Variants in ABCD3 observed in about 807,000 individuals in gnomAD.
ABCD3 encodes ATP-binding cassette sub-family D member 3.
In ABCD3, 41 loss-of-function variants were observed where a neutral mutation model predicts 105.5. The observed-to-expected ratio is 0.39, with a 90% CI of 0.30 to 0.50. The LOEUF (loss-of-function observed/expected upper bound fraction) is 0.50. Ranked by LOEUF, ABCD3 falls within the 20% of genes least tolerant of loss-of-function variation. The pLI, the probability that ABCD3 is intolerant of heterozygous loss-of-function variation, is 0.84. For synonymous variants in ABCD3, 258 were observed against 269.0 expected (o/e 0.96, Z 0.40); for missense variants, 622 against 806.3 (o/e 0.77, Z 2.77).
At chr1:94,388,333 T>C in the ABCD3 span, among the ~76,000 whole-genome samples, 4 of 152,220 alleles carry the variant, frequency 2.6e-5, no homozygotes, top group Non-Finnish European at 5.9e-5. Flanking sequence ...AAAGGGTATA[T>C]GTAGCTAGAT....
rs967389121 is a variant in ABCD3, at chr1:94,498,469, G to A, written c.1387-133G>A. On this transcript the variant is annotated intron_variant, in intron 16 of 22. Coordinates refer to ENST00000370214, the MANE Select transcript of ABCD3 (RefSeq NM_002858.4). The stretch of plus-strand genomic sequence containing the variant: ...ATACCTCTTCACTGCTCTACCTAAT[G>A]CTACATTTACAGACAAATAGAAGGC... The A allele has an allele frequency of 1.9e-5, 17 of 906,600 alleles. No individual in the cohort carries two copies. The African/African-American group carries it at 2.2e-4, about 12-fold the overall frequency. 56.2% of individuals were successfully genotyped at this position (906,600 alleles called of 1,614,324 possible). A position where few individuals can be genotyped will look rare whatever the true frequency, so the allele number is the denominator to read the frequency against.
At chr1:94,479,503 T>C (rs1648932589) in intron 8 of ABCD3, among the ~76,000 whole-genome samples, 1 of 151,976 alleles carries the variant, frequency 6.6e-6, no homozygotes, top group African/African-American at 2.4e-5. Context: ...AAAAGATAAG[T>C]AAGACACAAT....
Position 94,468,017 on chromosome 1 carries a change from C to T in ABCD3, c.335+10C>T. 1 of 1,581,428 alleles carries T rather than the reference C, an allele frequency of 6.3e-7. No individual in the cohort carries two copies. Among genetic ancestry groups the T allele is most frequent in the Non-Finnish European group, 8.7e-7 (1 of 1,150,620 alleles). On this transcript the variant is annotated intron_variant, in intron 4 of 22. Coordinates refer to ENST00000370214, the MANE Select transcript of ABCD3 (RefSeq NM_002858.4). ...GGACACTAATTGAAAGGTACTTTTT[C>T]AATCACCTTCCTCCTATATGTATGA...
At chr1:94,433,628 G>GT (rs33917832) in intron 1 of ABCD3, among the ~76,000 whole-genome samples, 4,062 of 136,080 alleles carry the variant, frequency 0.03, 162 homozygotes, top group African/African-American at 0.083. Context: ...ACAATGGTCA[G>GT]TTTTTTTTTT....
At chr1:94,512,937 A>G (rs774782595) in intron 21 of ABCD3, among the ~76,000 whole-genome samples, 22 of 152,100 alleles carry the variant, frequency 1.4e-4, no homozygotes, top group Non-Finnish European at 2.9e-4. Flanking sequence ...AATTCCTACT[A>G]TTCCAAGTGT....
At chr1:94,390,529 C>T in the ABCD3 span, among the ~76,000 whole-genome samples, 6 of 152,196 alleles carry the variant, frequency 3.9e-5, no homozygotes, top group East Asian at 9.7e-4. Flanking sequence ...TCTCGAACTC[C>T]TGGCCTAGGG....
At chr1:94,456,515 C>A (rs1217078249) in intron 1 of ABCD3, among the ~76,000 whole-genome samples, 2 of 151,206 alleles carry the variant, frequency 1.3e-5, no homozygotes, top group East Asian at 3.9e-4. Flanking sequence ...TGAGCTCAGT[C>A]AGTCCTCCCG....
intron 2 of ABCD3, among the ~76,000 whole-genome samples, chr1:94,464,262 A>G (rs1286372696): frequency 6.6e-6 from 1 of 152,196 alleles, no homozygotes; most frequent in Admixed American, 6.5e-5. Flanking sequence ...GAAATGTTAA[A>G]TGGTAAATCT....
intron 1 of ABCD3, among the ~76,000 whole-genome samples, chr1:94,454,275 A>G (rs1192777306): frequency 6.6e-6 from 1 of 152,184 alleles, no homozygotes; most frequent in Non-Finnish European, 1.5e-5. Context: ...AATGAAGTGT[A>G]TGAGAAAAGG....
chr1:94,432,731 G>T (rs1187341996), intron 1 of ABCD3: 1 of 152,028 alleles, frequency 6.6e-6, no homozygotes, highest in Non-Finnish European at 1.5e-5. Flanking sequence ...TCATTCAGGG[G>T]TTAAAAAAGG....
chr1:94,453,891 CT>C (rs199708758), intron 1 of ABCD3, among the ~76,000 whole-genome samples: 4 of 141,106 alleles, frequency 2.8e-5, no homozygotes, highest in South Asian at 2.2e-4. Context: ...ATTTCTTCTG[CT>C]TTTTTTTGTT....
At position 94,499,491 on chromosome 1, in the gene ABCD3, A is replaced by C; in HGVS notation, c.1621-4A>C. On this transcript the variant is annotated splice_region_variant and splice_polypyrimidine_tract_variant and intron_variant, in intron 19 of 22. Transcript: ENST00000370214. The stretch of plus-strand genomic sequence containing the variant: ...AATTTCATCTTTAATCATTTTGCTG[A>C]AAGGTACTGAAGGAATACTTAGACA... 1.2e-6 allele frequency: 2 copies of C among 1,613,098 alleles called. No individual in the cohort carries two copies. Among genetic ancestry groups the C allele is most frequent in the Non-Finnish European group, 1.7e-6 (2 of 1,179,246 alleles).
chr1:94,421,612 G>T (rs1039222067), intron 1 of ABCD3, among the ~76,000 whole-genome samples: 1 of 149,462 alleles, frequency 6.7e-6, no homozygotes, highest in Non-Finnish European at 1.5e-5. Flanking sequence ...TATATGACTT[G>T]TTTTCTCAGG....
chr1:94,508,400 T>C (rs1342576648), intron 21 of ABCD3, among the ~76,000 whole-genome samples: 1 of 151,402 alleles, frequency 6.6e-6, no homozygotes, highest in Non-Finnish European at 1.5e-5. Context: ...TGTAGCCTTG[T>C]AGTATGGTTT....
intron 1 of ABCD3, among the ~76,000 whole-genome samples, chr1:94,419,595 C>A (rs1307827656): frequency 6.6e-6 from 1 of 152,130 alleles, no homozygotes; most frequent in Non-Finnish European, 1.5e-5. Flanking sequence ...AATTTTATTT[C>A]ATTCATTCCT....
At chr1:94,429,059 T>A (rs931159572) in intron 1 of ABCD3, among the ~76,000 whole-genome samples, 1 of 152,124 alleles carries the variant, frequency 6.6e-6, no homozygotes, top group African/African-American at 2.4e-5. Context: ...CAGATGGAGA[T>A]GAGGAACTTG....
intron 1 of ABCD3, among the ~76,000 whole-genome samples, chr1:94,454,003 G>A (rs1343265746): frequency 1.3e-5 from 2 of 150,624 alleles, no homozygotes; most frequent in Admixed American, 6.6e-5. Context: ...AATTCCACAG[G>A]ATATATATTT....
At chr1:94,476,871 AGTTT>A (rs1390841938) in intron 7 of ABCD3, among the ~76,000 whole-genome samples, 3 of 151,748 alleles carry the variant, frequency 2.0e-5, no homozygotes, top group Non-Finnish European at 4.4e-5. Flanking sequence ...CACATTTGAA[AGTTT>A]GTTCTCTCTC....
At chr1:94,515,257 G>C (rs1207061808) in intron 22 of ABCD3, 55 bp downstream of exon 22, 27 of 1,373,494 alleles carry the variant, frequency 2.0e-5, no homozygotes, top group Non-Finnish European at 4.1e-6. Flanking sequence ...TTTAAAATAT[G>C]AATTCAGGTT....
Sources: gnomAD v4.1 joint callset for allele counts (sites outside exome capture counted in the v4.1 genomes callset) on GRCh38, gnomAD v4.1.1 for gene constraint, MANE v1.5 for transcripts, NCBI Gene and HGNC (gene_info 2026-07-23, HGNC 2026-07-21) for gene names.